The following ARFGEF3 variants were observed in gnomAD, a reference collection of about 807,000 sequenced individuals.
ARFGEF3 encodes the protein brefeldin A-inhibited guanine nucleotide-exchange protein 3.
In ARFGEF3, 96 loss-of-function variants were observed where a neutral mutation model predicts 221.7. The observed-to-expected ratio is 0.43, with a 90% CI of 0.37 to 0.51. ARFGEF3 has a LOEUF of 0.51. ARFGEF3 is among the 20% of genes least tolerant of loss of function. The pLI is 0.00. For missense variants in ARFGEF3, 2,410 were observed against 2,789.9 expected (o/e 0.86, Z 3.07); for synonymous variants, 1,145 against 1,126.8 (o/e 1.02, Z -0.32).
At chr6:138,267,623 G>A (rs931041843) in intron 12 of ARFGEF3, among the ~76,000 whole-genome samples, 9 of 152,086 alleles carry the variant, frequency 5.9e-5, no homozygotes, top group Admixed American at 4.6e-4. Context: ...TATAATCCTA[G>A]CAAAGTCTTT....
rs765106309 is a variant in ARFGEF3 at position 138,162,327 on chromosome 6, T to C, written c.85+156T>C. On this transcript the variant is annotated intron_variant, in intron 1 of 33. Coordinates refer to ENST00000251691, the MANE Select transcript of ARFGEF3 (RefSeq NM_020340.5). This position sits in a 1 kb window ranked among gnomAD's most constrained non-coding sequence, Gnocchi z 4.7. ...GGGAAATTGATGTGGGATTTGAGAGTCTTGGCTCGGGCGTGGACATCAGCC... is the reference window on the plus strand; with the variant it reads ...GGGAAATTGATGTGGGATTTGAGAGCCTTGGCTCGGGCGTGGACATCAGCC... Among the ~76,000 whole-genome samples, 10 of 151,894 alleles carry C rather than the reference T, an allele frequency of 6.6e-5. No individual in the cohort carries two copies. Among genetic ancestry groups the C allele is most frequent in the Admixed American group, 3.3e-4 (5 of 15,268 alleles).
chr6:138,268,669 G>A (rs1295322284), intron 12 of ARFGEF3, among the ~76,000 whole-genome samples: 6 of 152,270 alleles, frequency 3.9e-5, no homozygotes, highest in Non-Finnish European at 7.4e-5. Flanking sequence ...ACAAAGTGAC[G>A]TCTGTGTAAG....
At chr6:138,260,163 C>CACTCTTT (rs1778762100) in intron 10 of ARFGEF3, among the ~76,000 whole-genome samples, 1 of 152,182 alleles carries the variant, frequency 6.6e-6, no homozygotes, top group Non-Finnish European at 1.5e-5. Context: ...ACTTTAGCCC[C>CACTCTTT]AGCCTTGTCA....
At chr6:138,325,386 A>AC (rs1780109238) in intron 31 of ARFGEF3, among the ~76,000 whole-genome samples, 1 of 152,202 alleles carries the variant, frequency 6.6e-6, no homozygotes, top group African/African-American at 2.4e-5. Flanking sequence ...TGGGACAAGA[A>AC]CCTTCTACCT....
At chr6:138,167,064 C>T (rs1433989173) in intron 1 of ARFGEF3, among the ~76,000 whole-genome samples, 1 of 152,216 alleles carries the variant, frequency 6.6e-6, no homozygotes, top group Non-Finnish European at 1.5e-5. Context: ...GGCTGGCAGA[C>T]CATTCTCATT....
At chr6:138,251,483 A>G (rs1294219600) in intron 8 of ARFGEF3, among the ~76,000 whole-genome samples, 1 of 151,962 alleles carries the variant, frequency 6.6e-6, no homozygotes, top group East Asian at 1.9e-4. Flanking sequence ...TGTCCTGTCC[A>G]CTCTCTTCCT....
intron 26 of ARFGEF3, among the ~76,000 whole-genome samples, chr6:138,315,950 G>C (rs1278267161): frequency 6.6e-6 from 1 of 152,142 alleles, no homozygotes; most frequent in Non-Finnish European, 1.5e-5. Flanking sequence ...AAGTTGGCTA[G>C]AGATTATCTA....
chr6:138,224,555 A>G (rs1778044601), intron 4 of ARFGEF3, among the ~76,000 whole-genome samples: 2 of 152,360 alleles, frequency 1.3e-5, no homozygotes, highest in African/African-American at 4.8e-5. Flanking sequence ...GAGTAGGCAC[A>G]TAGATGCACA....
At chr6:138,187,516 G>A (rs771171425) in intron 2 of ARFGEF3, among the ~76,000 whole-genome samples, 10 of 152,192 alleles carry the variant, frequency 6.6e-5, no homozygotes, top group African/African-American at 2.2e-4. Context: ...GGAAGGCTCC[G>A]GCTCTCAAGG....
chr6:138,265,252 G>A (rs1190622976), intron 12 of ARFGEF3, among the ~76,000 whole-genome samples: 2 of 152,066 alleles, frequency 1.3e-5, no homozygotes, highest in African/African-American at 2.4e-5. Context: ...AAGCACCAAA[G>A]GAGACACAGA....
At chr6:138,164,129 C>T (rs1776673880) in intron 1 of ARFGEF3, among the ~76,000 whole-genome samples, 1 of 152,164 alleles carries the variant, frequency 6.6e-6, no homozygotes. Context: ...TGAACAAAGG[C>T]CTATAGGGAT....
intron 4 of ARFGEF3, chr6:138,218,257 G>A (rs1240554987): frequency 2.5e-6 from 4 of 1,611,138 alleles, no homozygotes; most frequent in Non-Finnish European, 3.4e-6. Flanking sequence ...TAGCAGAATG[G>A]TAAGAGCACA....
chr6:138,190,563 T>C (rs1777284637), intron 2 of ARFGEF3, among the ~76,000 whole-genome samples: 1 of 152,188 alleles, frequency 6.6e-6, no homozygotes, highest in Non-Finnish European at 1.5e-5. Flanking sequence ...GAGGCTAAAT[T>C]TAATGGTGTA....
intron 5 of ARFGEF3, among the ~76,000 whole-genome samples, chr6:138,234,140 T>A (rs911926367): frequency 6.6e-6 from 1 of 152,180 alleles, no homozygotes; most frequent in African/African-American, 2.4e-5. Context: ...GAAGAAGTTG[T>A]TTGGAGTTAG....
chr6:138,191,080 A>G (rs1390204261), intron 2 of ARFGEF3, among the ~76,000 whole-genome samples: 1 of 152,146 alleles, frequency 6.6e-6, no homozygotes, highest in Non-Finnish European at 1.5e-5. Context: ...GGATTAAATG[A>G]GCTAACTCAC....
chr6:138,222,267 T>C (rs925006695), intron 4 of ARFGEF3, among the ~76,000 whole-genome samples: 2 of 152,130 alleles, frequency 1.3e-5, no homozygotes, highest in African/African-American at 4.8e-5. Context: ...AAAAAAAAAT[T>C]GCAAAACAAA....
Position 138,207,783 on chromosome 6 carries a change from T to G in ARFGEF3, c.219+660T>G, listed in dbSNP as rs1777650544. On this transcript the variant is annotated intron_variant, in intron 3 of 33. Transcript: ENST00000251691. ...CTGTGAAGTTGAAGCCTGCAGGAGTTTGTTCAGTGTGGCGATGGATAAACC... is the reference window on the plus strand; with the variant it reads ...CTGTGAAGTTGAAGCCTGCAGGAGTGTGTTCAGTGTGGCGATGGATAAACC... Among the ~76,000 whole-genome samples the G allele has an allele frequency of 2.6e-5, 4 of 152,280 alleles. No individual in the cohort carries two copies. The South Asian group carries it at 8.3e-4, about 32-fold the overall frequency.
chr6:138,322,802 G>GAA (rs112516953), intron 29 of ARFGEF3, among the ~76,000 whole-genome samples: 17 of 89,876 alleles, frequency 1.9e-4, no homozygotes, highest in Non-Finnish European at 3.8e-4. Flanking sequence ...CTCAAAAAAA[G>GAA]AAAAAAAAAA....
chr6:138,308,122 A>G (rs1459055670), intron 23 of ARFGEF3, among the ~76,000 whole-genome samples: 1 of 152,176 alleles, frequency 6.6e-6, no homozygotes, highest in African/African-American at 2.4e-5. Flanking sequence ...GGGACTGGCC[A>G]CTTACATACC....
Sources: gnomAD v4.1 joint callset for allele counts (sites outside exome capture counted in the v4.1 genomes callset) on GRCh38, gnomAD v4.1.1 for gene constraint, Gnocchi (gnomAD v3.1) non-coding constraint, MANE v1.5 for transcripts, NCBI Gene and HGNC (gene_info 2026-07-23, HGNC 2026-07-21) for gene names.